The following RBFOX1 variants were observed in gnomAD, a reference collection of about 807,000 sequenced individuals.
RBFOX1 encodes the protein RNA binding fox-1 homolog 1, also known as RNA binding protein fox-1 homolog 1.
Under a neutral mutation model 57.7 loss-of-function variants are expected in RBFOX1, and 8 were observed. The ratio of observed to expected loss-of-function variants is 0.14; its 90% CI spans 0.08 to 0.25. The LOEUF (loss-of-function observed/expected upper bound fraction) is 0.25, where lower values mean the gene tolerates loss of function less well. RBFOX1 is among the 10% of genes least tolerant of loss of function. The probability of loss-of-function intolerance (pLI) is 1.00; values close to 1 mark genes in which losing one functional copy is unlikely to be tolerated. For synonymous variants in RBFOX1, 326 were observed against 222.4 expected (o/e 1.47, Z -4.15); for missense variants, 611 against 548.5 (o/e 1.11, Z -1.14).
At chr16:6,174,142 A>G (rs540847929) in intron 1 of RBFOX1, among the ~76,000 whole-genome samples, 64 of 152,306 alleles carry the variant, frequency 4.2e-4, no homozygotes, top group Non-Finnish European at 3.8e-4. Context: ...TTGCACTTCT[A>G]TGAGTCGGCG....
chr16:7,232,253 A>G (rs2093542961), intron 4 of RBFOX1, among the ~76,000 whole-genome samples: 1 of 152,152 alleles, frequency 6.6e-6, no homozygotes, highest in African/African-American at 2.4e-5. Flanking sequence ...TGAACTCCTG[A>G]AAACTGTTTA....
chr16:6,180,690 T>C (rs1397890191), intron 1 of RBFOX1, among the ~76,000 whole-genome samples: 3 of 151,864 alleles, frequency 2.0e-5, no homozygotes, highest in South Asian at 2.1e-4. Flanking sequence ...CTCAGCCTCC[T>C]GAGTAGCTGG....
intron 2 of RBFOX1, among the ~76,000 whole-genome samples, chr16:5,552,284 C>G (rs954722049): frequency 6.6e-6 from 1 of 152,154 alleles, no homozygotes. Flanking sequence ...TTAAGCATTC[C>G]GTCATATGTT....
chr16:6,644,482 GCTTGT>G (rs2098517462), intron 2 of RBFOX1, among the ~76,000 whole-genome samples: 1 of 152,156 alleles, frequency 6.6e-6, no homozygotes, highest in African/African-American at 2.4e-5. Flanking sequence ...GCCGATTTGG[GCTTGT>G]CAGATGAACC....
intron 4 of RBFOX1, among the ~76,000 whole-genome samples, chr16:7,469,384 C>G (rs567130176): frequency 7.2e-5 from 11 of 152,158 alleles, no homozygotes; most frequent in African/African-American, 2.4e-4. Flanking sequence ...ATTTTTAATT[C>G]CTAAACCTAT....
At chr16:7,043,939 C>G (rs927132728) in intron 3 of RBFOX1, among the ~76,000 whole-genome samples, 6 of 152,130 alleles carry the variant, frequency 3.9e-5, no homozygotes, top group African/African-American at 1.4e-4. Flanking sequence ...CAAAAACAAA[C>G]AAAATACACT....
intron 4 of RBFOX1, among the ~76,000 whole-genome samples, chr16:7,335,604 A>C (rs941924968): frequency 1.6e-5 from 1 of 64,202 alleles, no homozygotes; most frequent in Admixed American, 1.2e-4. Flanking sequence ...AAAAAAAAAA[A>C]AAAAACCAAG....
chr16:7,706,505 A>G (rs1274895779), intron 14 of RBFOX1, among the ~76,000 whole-genome samples: 4 of 152,258 alleles, frequency 2.6e-5, no homozygotes, highest in South Asian at 2.1e-4. Context: ...TTTATTAAAT[A>G]CATTCAAATT....
At chr16:5,781,647 A>G (rs964240981) in intron 3 of RBFOX1, among the ~76,000 whole-genome samples, 4 of 152,256 alleles carry the variant, frequency 2.6e-5, no homozygotes, top group African/African-American at 9.6e-5. Context: ...ACACAAATGG[A>G]TGTGGCTGTG....
At chr16:6,084,221 C>G (rs977796478) in intron 1 of RBFOX1, among the ~76,000 whole-genome samples, 2 of 151,842 alleles carry the variant, frequency 1.3e-5, no homozygotes, top group African/African-American at 4.8e-5. Context: ...TTTAATGGTC[C>G]TTCCTCCTTA....
At chr16:6,837,712 G>T (rs2093200791) in intron 3 of RBFOX1, among the ~76,000 whole-genome samples, 1 of 152,136 alleles carries the variant, frequency 6.6e-6, no homozygotes, top group South Asian at 2.1e-4. Context: ...TGGGCATTGT[G>T]CAAGTTCAGA....
chr16:5,995,069 A>C (rs1156635607), intron 4 of RBFOX1, among the ~76,000 whole-genome samples: 1 of 152,196 alleles, frequency 6.6e-6, no homozygotes, highest in African/African-American at 2.4e-5. Context: ...TGAGTTCCAA[A>C]TAGATGAGTT....
chr16:6,785,932 G>C (rs1203602055), intron 3 of RBFOX1, among the ~76,000 whole-genome samples: 1 of 152,180 alleles, frequency 6.6e-6, no homozygotes, highest in East Asian at 1.9e-4. Context: ...GAGGAACCTT[G>C]TGTACATGCA....
At chr16:6,427,346 A>G (rs2093958636) in intron 2 of RBFOX1, among the ~76,000 whole-genome samples, 1 of 152,194 alleles carries the variant, frequency 6.6e-6, no homozygotes, top group Non-Finnish European at 1.5e-5. Flanking sequence ...TGAGAACTCC[A>G]GACCCCAGTC....
At chr16:6,287,526 G>A (rs552391592) in intron 1 of RBFOX1, among the ~76,000 whole-genome samples, 75 of 152,218 alleles carry the variant, frequency 4.9e-4, no homozygotes, top group African/African-American at 1.7e-3. Context: ...GGTTCATGAG[G>A]CTCATCTAGC....
chr16:6,269,492 A>T (rs991612613), intron 1 of RBFOX1, among the ~76,000 whole-genome samples: 3 of 152,210 alleles, frequency 2.0e-5, no homozygotes, highest in African/African-American at 7.2e-5. Flanking sequence ...AAGTAACGAG[A>T]GTAAAATGCA....
At chr16:6,320,773 TA>T (rs35918924) in intron 2 of RBFOX1, among the ~76,000 whole-genome samples, 47,847 of 151,654 alleles carry the variant, frequency 0.32, 8,267 homozygotes, top group Middle Eastern at 0.4. Flanking sequence ...AAACTGTTAT[TA>T]AAAAAAAATT....
intron 3 of RBFOX1, among the ~76,000 whole-genome samples, chr16:6,836,616 T>G (rs1304785070): frequency 6.6e-6 from 1 of 152,190 alleles, no homozygotes; most frequent in East Asian, 1.9e-4. Context: ...GGGTGTATCT[T>G]CTGTGAAGGT....
chr16:5,573,052 G>A (rs1328707824), intron 2 of RBFOX1, among the ~76,000 whole-genome samples: 2 of 152,156 alleles, frequency 1.3e-5, no homozygotes, highest in South Asian at 2.1e-4. Flanking sequence ...GGGGCAGGGA[G>A]GACATTTAGG....
Sources: gnomAD v4.1 joint callset for allele counts (sites outside exome capture counted in the v4.1 genomes callset) on GRCh38, gnomAD v4.1.1 for gene constraint, MANE v1.5 for transcripts, NCBI Gene and HGNC (gene_info 2026-07-23, HGNC 2026-07-21) for gene names.